The following MACROD2 variants were observed in gnomAD, a reference collection of about 807,000 sequenced individuals.
The protein encoded by MACROD2 is ADP-ribose glycohydrolase MACROD2.
A neutral mutation model predicts 70.4 loss-of-function variants in MACROD2; 36 were observed. That is an observed-to-expected ratio of 0.51 (90% CI 0.39 to 0.68). The LOEUF (loss-of-function observed/expected upper bound fraction) is 0.68. MACROD2 is among the 30% of genes least tolerant of loss of function. The probability of loss-of-function intolerance (pLI) is 0.00; values close to 1 mark genes in which losing one functional copy is unlikely to be tolerated. For missense variants in MACROD2, 496 were observed against 538.4 expected (o/e 0.92, Z 0.78); for synonymous variants, 172 against 178.8 (o/e 0.96, Z 0.30).
chr20:15,300,944 T>C (rs2077635896), intron 6 of MACROD2, among the ~76,000 whole-genome samples: 1 of 152,162 alleles, frequency 6.6e-6, no homozygotes, highest in Admixed American at 6.5e-5. Flanking sequence ...GCTAGTTAGT[T>C]TCTTGAGAGG....
intron 8 of MACROD2, among the ~76,000 whole-genome samples, chr20:15,519,419 C>T (rs2047620447): frequency 1.3e-5 from 2 of 152,182 alleles, no homozygotes; most frequent in Admixed American, 6.5e-5. Flanking sequence ...TCACCGTGCC[C>T]AGCCGTTTCT....
chr20:15,136,583 A>C (rs1451841295), intron 5 of MACROD2, among the ~76,000 whole-genome samples: 1 of 152,188 alleles, frequency 6.6e-6, no homozygotes, highest in Non-Finnish European at 1.5e-5. Flanking sequence ...AAAGACTTAA[A>C]TGTTAGACCT....
intron 5 of MACROD2, among the ~76,000 whole-genome samples, chr20:15,089,961 A>G (rs1433026538): frequency 6.6e-6 from 1 of 152,136 alleles, no homozygotes; most frequent in Non-Finnish European, 1.5e-5. Flanking sequence ...ATGTAGCCAT[A>G]TGAAACAAGA....
chr20:15,728,048 G>A (rs953426869), intron 8 of MACROD2, among the ~76,000 whole-genome samples: 9 of 152,032 alleles, frequency 5.9e-5, no homozygotes, highest in African/African-American at 2.2e-4. Context: ...TGTCTTAGAT[G>A]GTTCTGATTA....
chr20:14,953,386 A>G (rs1471016244), intron 5 of MACROD2, among the ~76,000 whole-genome samples: 1 of 150,554 alleles, frequency 6.6e-6, no homozygotes, highest in African/African-American at 2.5e-5. Flanking sequence ...GGCTCACTGC[A>G]AACTCCGCCT....
At chr20:14,837,542 GCTAA>G (rs1240151169) in intron 5 of MACROD2, among the ~76,000 whole-genome samples, 6 of 151,978 alleles carry the variant, frequency 3.9e-5, no homozygotes, top group African/African-American at 9.7e-5. Context: ...TGTCCTTTGA[GCTAA>G]CTGTGTCTTG....
At chr20:15,385,784 C>A (rs531926967) in intron 6 of MACROD2, among the ~76,000 whole-genome samples, 2 of 152,166 alleles carry the variant, frequency 1.3e-5, no homozygotes, top group African/African-American at 4.8e-5. Flanking sequence ...CAGCCAACTT[C>A]GTTCTGAATC....
chr20:14,730,420 C>T (rs577324469), intron 5 of MACROD2, among the ~76,000 whole-genome samples: 4 of 152,134 alleles, frequency 2.6e-5, no homozygotes, highest in African/African-American at 9.6e-5. Context: ...GACCAACAAC[C>T]GTTATTAGAC....
chr20:15,480,470 T>G (rs1359530199), intron 7 of MACROD2, among the ~76,000 whole-genome samples: 2 of 152,196 alleles, frequency 1.3e-5, no homozygotes, highest in Non-Finnish European at 2.9e-5. Flanking sequence ...GATAATCTAG[T>G]GAATTAGCTT....
intron 5 of MACROD2, among the ~76,000 whole-genome samples, chr20:14,809,371 G>T (rs1355909743): frequency 6.6e-6 from 1 of 152,026 alleles, no homozygotes; most frequent in Non-Finnish European, 1.5e-5. Context: ...AAATAAATAA[G>T]TTCTTTGAAA....
chr20:15,288,859 G>GTCTA (rs1337471971), intron 6 of MACROD2, among the ~76,000 whole-genome samples: 6 of 129,766 alleles, frequency 4.6e-5, no homozygotes, highest in African/African-American at 1.9e-4. Flanking sequence ...CTATATGTCT[G>GTCTA]TCTGTCTGTC....
chr20:14,625,173 A>C (rs1984066382), intron 4 of MACROD2, among the ~76,000 whole-genome samples: 1 of 152,012 alleles, frequency 6.6e-6, no homozygotes, highest in Non-Finnish European at 1.5e-5. Flanking sequence ...CTAAAAAGAC[A>C]ATAATTAGCT....
intron 3 of MACROD2, among the ~76,000 whole-genome samples, chr20:14,182,692 G>T (rs946940232): frequency 1.3e-5 from 2 of 152,032 alleles, no homozygotes; most frequent in African/African-American, 2.4e-5. Context: ...ACAAATGTTA[G>T]TTTTTAAAAA....
chr20:15,619,975 G>T (rs1160346004), intron 8 of MACROD2, among the ~76,000 whole-genome samples: 1 of 152,072 alleles, frequency 6.6e-6, no homozygotes, highest in Non-Finnish European at 1.5e-5. Flanking sequence ...CTTAAGCAGG[G>T]CGTGGTCTAA....
chr20:15,351,347 A>G (rs1235037307), intron 6 of MACROD2, among the ~76,000 whole-genome samples: 1 of 152,222 alleles, frequency 6.6e-6, no homozygotes, highest in African/African-American at 2.4e-5. Flanking sequence ...TGTGAAAATT[A>G]GTTACCCTTT....
intron 7 of MACROD2, among the ~76,000 whole-genome samples, chr20:15,475,153 G>C (rs6034200): frequency 1.3e-5 from 2 of 151,970 alleles, no homozygotes; most frequent in Non-Finnish European, 2.9e-5. Context: ...TTAAGAGGAT[G>C]TGCATAGGTT....
At chr20:14,240,974 C>T (rs2081924034) in intron 3 of MACROD2, among the ~76,000 whole-genome samples, 1 of 152,030 alleles carries the variant, frequency 6.6e-6, no homozygotes, top group Non-Finnish European at 1.5e-5. Flanking sequence ...ACTAAAAATA[C>T]AAAAAATAGC....
At chr20:15,632,070 T>G (rs546660815) in intron 8 of MACROD2, among the ~76,000 whole-genome samples, 321 of 151,564 alleles carry the variant, frequency 2.1e-3, no homozygotes, top group Non-Finnish European at 4.1e-3. Flanking sequence ...GCCTGGGAGG[T>G]GGAGGTTGCA....
At chr20:15,289,486 T>C (rs1285590075) in intron 6 of MACROD2, among the ~76,000 whole-genome samples, 1 of 152,182 alleles carries the variant, frequency 6.6e-6, no homozygotes, top group Non-Finnish European at 1.5e-5. Context: ...CTTAAACTGT[T>C]GTTTGATTTC....
Sources: gnomAD v4.1 joint callset for allele counts (sites outside exome capture counted in the v4.1 genomes callset) on GRCh38, gnomAD v4.1.1 for gene constraint, MANE v1.5 for transcripts, NCBI Gene and HGNC (gene_info 2026-07-23, HGNC 2026-07-21) for gene names.